MACF1: variants seen among roughly 807,000 people sequenced by gnomAD.
The protein encoded by MACF1 is microtubule actin crosslinking factor 1.
A neutral mutation model predicts 854.8 loss-of-function variants in MACF1; 193 were observed. The ratio of observed to expected loss-of-function variants is 0.23; its 90% confidence interval spans 0.20 to 0.25. MACF1 has a LOEUF of 0.25. MACF1 is among the 10% of genes least tolerant of loss of function. The probability of loss-of-function intolerance (pLI) is 1.00; values close to 1 mark genes in which losing one functional copy is unlikely to be tolerated. For synonymous variants in MACF1, 3,185 were observed against 3,226.7 expected (o/e 0.99, Z 0.44); for missense variants, 7,722 against 8,929.1 (o/e 0.86, Z 5.45).
chr1:39,084,534 A>T lies in MACF1; in HGVS notation c.220+96A>T. On this transcript the variant is annotated intron_variant, in intron 2 of 93. Transcript: ENST00000361689. This position sits in a 1 kb window ranked among gnomAD's most constrained non-coding sequence, Gnocchi z 5.2. ...TGTGGGGAGCCGAGGGGTCCTCACC[A>T]GGGCCTCTGACAAAGCAGCCATCAT... The T allele has an allele frequency of 1.0e-6, 1 of 956,544 alleles. No homozygotes were observed. Among genetic ancestry groups the T allele is most frequent in the South Asian group, 1.5e-5 (1 of 67,282 alleles). 59.3% of individuals were successfully genotyped at this position (956,544 alleles called of 1,614,324 possible). A position where few individuals can be genotyped will look rare whatever the true frequency, so the allele number is the denominator to read the frequency against.
In MACF1 at chr1:39,204,993, CT is replaced by C. The variant is rs1644433912; in HGVS notation, c.-29del. The C allele has an allele frequency of 1.4e-6, 1 of 702,608 alleles. No homozygotes were observed. Among genetic ancestry groups the C allele is most frequent in the Admixed American group, 2.0e-5 (1 of 49,986 alleles). 43.5% of individuals were successfully genotyped at this position (702,608 alleles called of 1,614,324 possible). ...AGGCCTGCGCTGAGCTTGTGGCTAA[CT>C]CAAGGGAGGAGAAAGGACGGGCCTG... On this transcript the variant is annotated 5_prime_UTR_variant, in exon 1 of 101. Coordinates refer to ENST00000564288, the MANE Select transcript of MACF1 (RefSeq NM_001394062.1).
chr1:39,103,633 GT>G (rs1642150035), intron 2 of MACF1: 1 of 152,426 alleles, frequency 6.6e-6, no homozygotes, highest in East Asian at 1.9e-4. Context: ...CCTTCTTTTT[GT>G]AAACTGAGCT....
intron 58 of MACF1, 139 bp from the exon 59 acceptor site, chr1:39,422,235 G>A (rs1643569250): frequency 8.2e-6 from 5 of 606,266 alleles, no homozygotes; most frequent in South Asian, 8.2e-5. Flanking sequence ...GATGCTTCAC[G>A]TGCAAATGCT....
intron 2 of MACF1, among the ~76,000 whole-genome samples, chr1:39,234,047 C>A (rs1644820935): frequency 1.4e-5 from 2 of 145,806 alleles, no homozygotes; most frequent in Admixed American, 6.9e-5. Context: ...TTGCACCGCC[C>A]TTAATCCATT....
At position 39,334,742 on chromosome 1, in the gene MACF1, C is replaced by G. The variant is rs754142449; in HGVS notation, c.8154C>G (p.Val2718=). 1 of 1,614,066 alleles carries G rather than the reference C, an allele frequency of 6.2e-7. No homozygotes were observed. The highest frequency in any genetic ancestry group is 1.3e-5 in the African/African-American group (1 of 75,048). ...LEEKLVDENM[V]RIIASHQVLN... ...AGAAACTGGTGGATGAAAACATGGT[C>G]AGAATTATTGCATCTCATCAGGTGT... Residue 2718 remains valine, a synonymous_variant, in exon 37 of 101, where the codon GTC becomes GTG. Coordinates refer to ENST00000564288, the MANE Select transcript of MACF1 (RefSeq NM_001394062.1).
chr1:39,336,226 A>C lies in MACF1; in HGVS notation c.9638A>C (p.Gln3213Pro). The C allele has an allele frequency of 6.2e-7, 1 of 1,614,084 alleles. No homozygotes were observed. The highest frequency in any genetic ancestry group is 8.5e-7 in the Non-Finnish European group (1 of 1,179,998). ...EFSDRKDLHH[Q>P]GSKSDDKLCG... ...TCAGACAGAAAAGACCTTCATCATCAGGGCAGCAAAAGTGATGATAAACTT... is the reference window on the plus strand; with the variant it reads ...TCAGACAGAAAAGACCTTCATCATCCGGGCAGCAAAAGTGATGATAAACTT... Residue 3213 changes from glutamine (Q) to proline (P), a missense_variant, in exon 37 of 101, where the codon CAG (glutamine) becomes CCG (proline). Coordinates refer to ENST00000564288, the MANE Select transcript of MACF1 (RefSeq NM_001394062.1).
intron 15 of MACF1, among the ~76,000 whole-genome samples, chr1:39,289,099 C>T (rs780785602): frequency 2.6e-5 from 4 of 152,158 alleles, no homozygotes; most frequent in African/African-American, 4.8e-5. Flanking sequence ...GAATAGTACT[C>T]CATTGTGTTT....
Position 39,422,524 on chromosome 1 carries a change from T to C in MACF1, c.15967T>C (p.Leu5323=). The C allele has an allele frequency of 6.2e-7, 1 of 1,610,544 alleles. No homozygotes were observed. The highest frequency in any genetic ancestry group is 8.5e-7 in the Non-Finnish European group (1 of 1,177,894). The change falls in exon 59 of 101, where the codon TTG becomes CTG. Residue 5323 remains leucine (L), a synonymous_variant. Transcript: ENST00000564288. The part of the protein sequence containing the change: ...MEEINARWNT[L]NKKVAQRIAQ... Reference sequence around the variant, plus strand: ...AGAGATCAATGCTCGATGGAATACATTGAATAAAAAGGTGAGTGACAATGG... The same window carrying C: ...AGAGATCAATGCTCGATGGAATACACTGAATAAAAAGGTGAGTGACAATGG...
At position 39,409,128 on chromosome 1, in the gene MACF1, C is replaced by T. The variant is rs1468834684; in HGVS notation, c.15817-13246C>T. ...GGTCGCGCTGCGCGGGGGAGGAGGA[C>T]TCGCCCCCCGCCCGACCCTAGCGGA... On this transcript the variant is annotated intron_variant, in intron 58 of 100. Coordinates refer to ENST00000564288, the MANE Select transcript of MACF1 (RefSeq NM_001394062.1). The surrounding 1 kb of genome is among the most constrained non-coding windows in gnomAD (Gnocchi z 4.2). Among the ~76,000 whole-genome samples, 2 of 151,970 alleles carry T rather than the reference C, an allele frequency of 1.3e-5. No homozygotes were observed. The highest frequency in any genetic ancestry group is 2.9e-5 in the Non-Finnish European group (2 of 67,960).
At chr1:39,415,491 A>G (rs1203167110) in intron 58 of MACF1, among the ~76,000 whole-genome samples, 1 of 147,138 alleles carries the variant, frequency 6.8e-6, no homozygotes, top group African/African-American at 2.5e-5. Flanking sequence ...GCCCGCCACT[A>G]CGCCCGGCAA....
chr1:39,476,300 G>A (rs147484488), intron 97 of MACF1, among the ~76,000 whole-genome samples: 1,934 of 152,302 alleles, frequency 0.013, 43 homozygotes, highest in African/African-American at 0.044. Context: ...GCTGGGCGCG[G>A]TGGCTCATGC....
In MACF1 at chr1:39,334,956, G is replaced by C; in HGVS notation, c.8368G>C (p.Gly2790Arg). 6.2e-7 allele frequency: 1 copy of C among 1,614,046 alleles called. No individual in the cohort carries two copies. The highest frequency in any genetic ancestry group is 1.3e-5 in the African/African-American group (1 of 74,928). Residue 2790 changes from glycine to arginine, a missense_variant, in exon 37 of 101, where the codon GGA becomes CGA. Physicochemically the swap from Gly to Arg is moderately radical, Grantham distance 125. This residue lies in a region of MACF1 where 1,531 missense variants were observed against 1,601.6 expected (regional missense o/e 0.96). Transcript: ENST00000564288. ...EVCALQNEFL[G>R]KDMLIACNQT... Reference sequence around the variant, plus strand: ...GTGTGCATTACAAAATGAATTTCTAGGAAAGGATATGTTAATTGCTTGTAA... The same window carrying C: ...GTGTGCATTACAAAATGAATTTCTACGAAAGGATATGTTAATTGCTTGTAA...
chr1:39,226,009 A>G (rs1644711810), intron 1 of MACF1, among the ~76,000 whole-genome samples: 1 of 152,206 alleles, frequency 6.6e-6, no homozygotes, highest in Admixed American at 6.5e-5. Flanking sequence ...TGAAGTTTAA[A>G]CCAGGAAAGA....
intron 58 of MACF1, among the ~76,000 whole-genome samples, chr1:39,408,651 G>A (rs1415680834): frequency 1.3e-5 from 2 of 152,170 alleles, no homozygotes; most frequent in African/African-American, 4.8e-5. Flanking sequence ...GGGCGGGAGG[G>A]GCCGGGCCAG....
chr1:39,335,383 C>T lies in MACF1; in HGVS notation c.8795C>T (p.Ser2932Phe), dbSNP rs1318229953. The T allele has an allele frequency of 6.2e-7, 1 of 1,613,888 alleles. No homozygotes were observed. Among genetic ancestry groups the T allele is most frequent in the East Asian group, 2.2e-5 (1 of 44,880 alleles). Residue 2932 changes from serine (S) to phenylalanine (F), a missense_variant, in exon 37 of 101, where the codon TCT becomes TTT. Physicochemically the swap from Ser to Phe is radical, Grantham distance 155. Around this residue, in one of 15 missense-constraint regions of MACF1, gnomAD observed 854 missense variants for 852.6 expected, o/e 1.00. Transcript: ENST00000564288. ...AAGCAGTCTACCTCATGTCTAGATT[C>T]TGAAGAAATAAGAGAAAATCAAGGG... The part of the protein sequence containing the change: ...HMKQSTSCLD[S>F]EEIRENQGEV...
rs982995331 is a variant in MACF1, at chr1:39,310,322, T to G, written c.2994T>G (p.Asp998Glu). The change falls in exon 25 of 101, where the codon GAT becomes GAG. Residue 998 changes from aspartate to glutamate, a missense_variant. Asp to Glu is a conservative substitution (Grantham distance 45, BLOSUM62 2). Coordinates refer to ENST00000564288, the MANE Select transcript of MACF1 (RefSeq NM_001394062.1). Reference protein sequence around the residue: ...LQAHYEDFLQDSRDSVLFSVA... With the variant: ...LQAHYEDFLQESRDSVLFSVA... The stretch of plus-strand genomic sequence containing the variant: ...CCCACTATGAAGACTTTCTGCAGGA[T>G]AGTCGTGACTCTGTGCTGTTCTCAG... The G allele has an allele frequency of 6.2e-7, 1 of 1,614,076 alleles. No individual in the cohort carries two copies. The highest frequency in any genetic ancestry group is 1.3e-5 in the African/African-American group (1 of 74,932).
At chr1:39,411,260 C>A (rs372742869) in intron 58 of MACF1, 4 of 1,613,894 alleles carry the variant, frequency 2.5e-6, no homozygotes. Context: ...ATGATGGAGG[C>A]TGAGGGAGAG....
intron 58 of MACF1, chr1:39,411,622 A>T (rs778611916): frequency 6.2e-7 from 1 of 1,613,956 alleles, no homozygotes; most frequent in Non-Finnish European, 8.5e-7. Context: ...TGTGGGTACT[A>T]TTGATGCAGA....
At chr1:39,216,051 G>A (rs1391379898) in intron 1 of MACF1, among the ~76,000 whole-genome samples, 2 of 152,116 alleles carry the variant, frequency 1.3e-5, no homozygotes, top group East Asian at 3.8e-4. Context: ...TTGAACAAGT[G>A]ACTTAACCTT....
Sources: allele counts gnomAD v4.1 joint callset (sites outside exome capture counted in the v4.1 genomes callset), GRCh38; gene constraint gnomAD v4.1.1; regional missense constraint gnomAD v4.1.1; non-coding constraint Gnocchi (gnomAD v3.1); transcripts MANE v1.5; gene names NCBI Gene and HGNC (gene_info 2026-07-23, HGNC 2026-07-21).